PTPRJ: variants seen among roughly 807,000 people sequenced by gnomAD.
The protein encoded by PTPRJ is protein tyrosine phosphatase receptor type J, also known as receptor-type tyrosine-protein phosphatase eta.
PTPRJ carries 129 observed loss-of-function variants against 141.3 expected under a neutral mutation model. The observed-to-expected ratio is 0.91, with a 90% confidence interval of 0.79 to 1.06. The LOEUF is 1.06. Ranked by LOEUF, PTPRJ falls within the 50% of genes least tolerant of loss-of-function variation. PTPRJ has a pLI of 0.00. For missense variants in PTPRJ, 1,601 were observed against 1,679.7 expected (o/e 0.95, Z 0.82); for synonymous variants, 610 against 640.5 (o/e 0.95, Z 0.72).
chr11:48,167,614 T>TTC lies in PTPRJ; in HGVS notation c.*252_*253insTC. 1 of 335,030 alleles carries TTC rather than the reference T, an allele frequency of 3.0e-6. No individual in the cohort carries two copies. 20.8% of individuals were successfully genotyped at this position (335,030 alleles called of 1,614,324 possible). On this transcript the variant is annotated 3_prime_UTR_variant, in exon 25 of 25. Coordinates refer to ENST00000418331, the MANE Select transcript of PTPRJ (RefSeq NM_002843.4). ...GGGATGAGGTCACTTTTTTTTTTTT[T>TTC]CCCCCTTGAGGATTGTGGAAAACCA... is the stretch of plus-strand genomic sequence containing the variant.
chr11:48,116,783 G>A (rs1471983775), intron 3 of PTPRJ, among the ~76,000 whole-genome samples: 1 of 152,186 alleles, frequency 6.6e-6, no homozygotes, highest in Non-Finnish European at 1.5e-5. Flanking sequence ...AAAATTCACA[G>A]ATATATGGAA....
chr11:48,156,111 C>A lies in PTPRJ; in HGVS notation c.3430C>A (p.Gln1144Lys). 6.3e-7 allele frequency: 1 copy of A among 1,588,916 alleles called. No individual in the cohort carries two copies. The highest frequency in any genetic ancestry group is 8.6e-7 in the Non-Finnish European group (1 of 1,158,626). Residue 1144 changes from glutamine (Q) to lysine (K), a missense_variant, in exon 21 of 25, where the codon CAG becomes AAG. Transcript: ENST00000418331. Reference sequence around the variant, plus strand: ...CATTATGTTGACTAAATGTGTTGAACAGGGAAGAGTAAGTATCTTTTTTAG... The same window carrying A: ...CATTATGTTGACTAAATGTGTTGAAAAGGGAAGAGTAAGTATCTTTTTTAG... ...AIIMLTKCVE[Q>K]GRTKCEEYWP... is the part of the protein sequence containing the mutation.
rs1020858199 is a variant in PTPRJ, at chr11:48,130,526, C to A, written c.1425C>A (p.Ser475Arg). The A allele has an allele frequency of 2.2e-5, 36 of 1,613,966 alleles. No individual in the cohort carries two copies. The highest frequency in any genetic ancestry group is 2.9e-5 in the Non-Finnish European group (34 of 1,179,906). Residue 475 changes from serine to arginine, a missense_variant, in exon 8 of 25, where the codon AGC becomes AGA. Transcript: ENST00000418331. ...CGACGGAGATCGGCTTAGCATGGAG[C>A]AGCCATGATGCAGAATCATTTCAGA... ...VSTTEIGLAW[S>R]SHDAESFQMH...
At chr11:48,145,779 G>A (rs1437631384) in intron 14 of PTPRJ, among the ~76,000 whole-genome samples, 2 of 151,984 alleles carry the variant, frequency 1.3e-5, no homozygotes, top group Non-Finnish European at 2.9e-5. Flanking sequence ...GGCTGGTCTC[G>A]AACTCCTGAC....
chr11:48,021,606 C>A (rs1488705132), intron 1 of PTPRJ, among the ~76,000 whole-genome samples: 1 of 151,526 alleles, frequency 6.6e-6, no homozygotes, highest in Admixed American at 6.6e-5. Context: ...GATTAACCAG[C>A]ACGGCACCCT....
In PTPRJ at chr11:48,131,543, T is replaced by C. The variant is rs376098562; in HGVS notation, c.1615+827T>C. 3.1e-5 allele frequency: 24 copies of C among 776,278 alleles called. No individual in the cohort carries two copies. In the African/African-American group the frequency reaches 3.9e-4, roughly 13 times the overall value. The allele number at this position is 776,278 out of a possible 1,614,324, so 48.1% of individuals were successfully genotyped here. A position where few individuals can be genotyped will look rare whatever the true frequency, so the allele number is the denominator to read the frequency against. On this transcript the variant is annotated intron_variant, in intron 8 of 24. Coordinates refer to ENST00000418331, the MANE Select transcript of PTPRJ (RefSeq NM_002843.4). ...TGAACACCTGCCTGGAATTCCATCA[T>C]CTGAAACAGAGTTGGCAGATAAGAA...
At chr11:48,006,406 T>G (rs1398275881) in intron 1 of PTPRJ, among the ~76,000 whole-genome samples, 1 of 151,852 alleles carries the variant, frequency 6.6e-6, no homozygotes, top group African/African-American at 2.4e-5. Flanking sequence ...ATGCAGCAGG[T>G]GCAGGCAGGT....
At chr11:48,096,191 A>G (rs1308773862) in intron 1 of PTPRJ, among the ~76,000 whole-genome samples, 3 of 152,202 alleles carry the variant, frequency 2.0e-5, no homozygotes, top group Non-Finnish European at 4.4e-5. Context: ...AAAGCAAAGC[A>G]CGGCTCTGCA....
Position 48,149,505 on chromosome 11 carries a change from A to G in PTPRJ, c.3041+17A>G, listed in dbSNP as rs370179455. ...TCAAATTAAGTAAGTCTCTCAAATT[A>G]TGAGCTTTATTTTAAATCCTCCAAT... On this transcript the variant is annotated intron_variant, in intron 16 of 24. Transcript: ENST00000418331. 2 of 1,433,234 alleles carry G rather than the reference A, an allele frequency of 1.4e-6. No individual in the cohort carries two copies. Among genetic ancestry groups the G allele is most frequent in the Non-Finnish European group, 1.9e-6 (2 of 1,035,128 alleles). 88.8% of individuals were successfully genotyped at this position (1,433,234 alleles called of 1,614,324 possible).
intron 1 of PTPRJ, among the ~76,000 whole-genome samples, chr11:47,981,329 A>G (rs1227704757): frequency 6.6e-6 from 1 of 151,952 alleles, no homozygotes; most frequent in Non-Finnish European, 1.5e-5. Flanking sequence ...TCTGGCGGGC[A>G]CGGGCCCGGC....
Position 48,003,042 on chromosome 11 carries a change from T to C in PTPRJ, c.96+22034T>C, listed in dbSNP as rs190065780. Among the ~76,000 whole-genome samples, 163 of 152,310 alleles carry C rather than the reference T, an allele frequency of 1.1e-3. 2 individuals are homozygous for C. The highest frequency in any genetic ancestry group is 2.1e-4 in the South Asian group (1 of 4,824). On this transcript the variant is annotated intron_variant, in intron 1 of 24. Transcript: ENST00000418331. ...ACAATGTATTCCAAGTGGCTTCTTA[T>C]TTAAGATAATTATATTCACAGAGCA...
intron 18 of PTPRJ, among the ~76,000 whole-genome samples, chr11:48,152,423 T>C (rs1857506217): frequency 6.6e-6 from 1 of 151,992 alleles, no homozygotes; most frequent in South Asian, 2.1e-4. Flanking sequence ...TGGTAGTTTC[T>C]TTTGCTGTGC....
At position 47,988,879 on chromosome 11, in the gene PTPRJ, GTTTTTTTT is replaced by G. The variant is rs869194701; in HGVS notation, c.96+7890_96+7897del. The stretch of plus-strand genomic sequence containing the variant: ...TCTGAAAGGTGAAAAATTGTATCTT[GTTTTTTTT>G]TTTTTTTTTTTTTTTTTTGAGACGG... On this transcript the variant is annotated intron_variant, in intron 1 of 24. Coordinates refer to ENST00000418331, the MANE Select transcript of PTPRJ (RefSeq NM_002843.4). Among the ~76,000 whole-genome samples the G allele has an allele frequency of 1.2e-4, 9 of 76,340 alleles. 1 individual carries two copies. The highest frequency in any genetic ancestry group is 4.8e-4 in the African/African-American group (7 of 14,628). 50.1% of individuals were successfully genotyped at this position (76,340 alleles called of 152,430 possible). A position where few individuals can be genotyped will look rare whatever the true frequency, so the allele number is the denominator to read the frequency against.
Position 48,145,182 on chromosome 11 carries a change from A to G in PTPRJ, c.2911+58A>G, listed in dbSNP as rs369831450. The G allele has an allele frequency of 3.7e-6, 6 of 1,608,234 alleles. No homozygotes were observed. In the East Asian group the frequency reaches 1.1e-4, roughly 30 times the overall value. On this transcript the variant is annotated intron_variant, in intron 14 of 24. Coordinates refer to ENST00000418331, the MANE Select transcript of PTPRJ (RefSeq NM_002843.4). ...CAGTGGCATTTTGCTCCACGTGTCCATAGAAGGCCAGCTGTGTACATGCCT... is the reference window on the plus strand; with the variant it reads ...CAGTGGCATTTTGCTCCACGTGTCCGTAGAAGGCCAGCTGTGTACATGCCT...
At chr11:48,018,172 T>G (rs970453011) in intron 1 of PTPRJ, among the ~76,000 whole-genome samples, 17 of 139,612 alleles carry the variant, frequency 1.2e-4, no homozygotes, top group African/African-American at 4.9e-4. Context: ...TTCCTTCCTG[T>G]TTTTTTTTTT....
At chr11:48,136,575 G>T (rs1857107031) in intron 9 of PTPRJ, among the ~76,000 whole-genome samples, 1 of 152,108 alleles carries the variant, frequency 6.6e-6, no homozygotes, top group Admixed American at 6.6e-5. Context: ...AGTAGAGAAG[G>T]GTCACCTTGT....
In PTPRJ at chr11:48,053,314, AAT is replaced by A. The variant is rs1477863833; in HGVS notation, c.97-56737_97-56736del. ...AAATATATAAAATATATAAATATAT[AAT>A]ATATATTATATATTAATATATTATA... On this transcript the variant is annotated intron_variant, in intron 1 of 24. Coordinates refer to ENST00000418331, the MANE Select transcript of PTPRJ (RefSeq NM_002843.4). Among the ~76,000 whole-genome samples, 26 of 92,376 alleles carry A rather than the reference AAT, an allele frequency of 2.8e-4. No individual in the cohort carries two copies. The Middle Eastern group carries it at 0.013, about 48-fold the overall frequency. The allele number at this position is 92,376 out of a possible 152,430, so 60.6% of individuals were successfully genotyped here.
Position 48,143,261 on chromosome 11 carries a change from C to A in PTPRJ, c.2575+211C>A, listed in dbSNP as rs544405639. Among the ~76,000 whole-genome samples the A allele has an allele frequency of 1.1e-3, 172 of 152,298 alleles. 1 individual carries two copies. The highest frequency in any genetic ancestry group is 3.7e-3 in the African/African-American group (155 of 41,568). On this transcript the variant is annotated intron_variant, in intron 12 of 24. Transcript: ENST00000418331. ...AGGGCCAGATTGCCAATATTTTAAG[C>A]TTTGCAGGTGGTATAGAGTCTGTTG...
Position 48,162,402 on chromosome 11 carries a change from T to C in PTPRJ, c.3559-1056T>C, listed in dbSNP as rs1031446649. Reference sequence around the variant, plus strand: ...CTCCCTCCTCCCTCTCCCTCCTCCCTCTCCCTCCCTTTTTCTTCCTCTTCC... The same window carrying C: ...CTCCCTCCTCCCTCTCCCTCCTCCCCCTCCCTCCCTTTTTCTTCCTCTTCC... On this transcript the variant is annotated intron_variant, in intron 22 of 24. Transcript: ENST00000418331. Among the ~76,000 whole-genome samples, 13 of 140,736 alleles carry C rather than the reference T, an allele frequency of 9.2e-5. No homozygotes were observed. The East Asian group carries it at 1.9e-3, about 21-fold the overall frequency. 92.3% of individuals were successfully genotyped at this position (140,736 alleles called of 152,430 possible). A position where few individuals can be genotyped will look rare whatever the true frequency, so the allele number is the denominator to read the frequency against.
Sources: gnomAD v4.1 joint callset for allele counts (sites outside exome capture counted in the v4.1 genomes callset) on GRCh38, gnomAD v4.1.1 for gene constraint, MANE v1.5 for transcripts, NCBI Gene and HGNC (gene_info 2026-07-23, HGNC 2026-07-21) for gene names.